MAPKAP1: variants seen among roughly 807,000 people sequenced by gnomAD.
MAPKAP1 encodes target of rapamycin complex 2 subunit MAPKAP1.
In MAPKAP1, 20 loss-of-function variants were observed where a neutral mutation model predicts 65.7. The observed-to-expected ratio is 0.30, with a 90% confidence interval of 0.21 to 0.44. The LOEUF (loss-of-function observed/expected upper bound fraction) is 0.44. MAPKAP1 is among the 20% of genes least tolerant of loss of function. MAPKAP1 has a pLI of 1.00. For missense variants in MAPKAP1, 423 were observed against 648.0 expected (o/e 0.65, Z 3.77); for synonymous variants, 222 against 244.3 (o/e 0.91, Z 0.85).
intron 10 of MAPKAP1, among the ~76,000 whole-genome samples, chr9:125,453,026 C>T (rs1853014630): frequency 1.3e-5 from 2 of 152,128 alleles, no homozygotes; most frequent in Non-Finnish European, 2.9e-5. Flanking sequence ...CCTTATATCT[C>T]CCCAAAGTTA....
intron 8 of MAPKAP1, among the ~76,000 whole-genome samples, chr9:125,502,423 T>A (rs1829011586): frequency 6.6e-6 from 1 of 152,216 alleles, no homozygotes; most frequent in Non-Finnish European, 1.5e-5. Flanking sequence ...TTTTGTGATA[T>A]TTGAATTAGA....
At chr9:125,638,791 T>C (rs1380267408) in intron 4 of MAPKAP1, among the ~76,000 whole-genome samples, 1 of 152,208 alleles carries the variant, frequency 6.6e-6, no homozygotes, top group African/African-American at 2.4e-5. Flanking sequence ...GTCTCTCAAA[T>C]GGCTACAGCT....
At chr9:125,575,441 T>A (rs1820390985) in intron 5 of MAPKAP1, among the ~76,000 whole-genome samples, 1 of 152,216 alleles carries the variant, frequency 6.6e-6, no homozygotes, top group South Asian at 2.1e-4. Context: ...TCTAGATGGC[T>A]GAGGTCCTAT....
intron 3 of MAPKAP1, among the ~76,000 whole-genome samples, chr9:125,663,151 T>C (rs1194377018): frequency 1.3e-5 from 2 of 152,032 alleles, no homozygotes; most frequent in African/African-American, 4.8e-5. Context: ...AGAGAAAAAA[T>C]ACAATTCCTT....
rs1358042199 is a variant in MAPKAP1 at position 125,528,387 on chromosome 9, G to A, written c.958+14672C>T. On this transcript the variant is annotated intron_variant, in intron 7 of 11. Transcript: ENST00000265960. ...GAATTTACCCAGCCCTTTCTGCCCT[G>A]TCCACTTCTCCCTGCCTGCATCAAG... is the stretch of plus-strand genomic sequence containing the variant. Among the ~76,000 whole-genome samples the A allele has an allele frequency of 3.9e-5, 6 of 152,306 alleles. No individual in the cohort carries two copies. In the East Asian group the frequency reaches 1.2e-3, roughly 29 times the overall value.
At chr9:125,625,255 T>TTAAAA in intron 4 of MAPKAP1, among the ~76,000 whole-genome samples, 1 of 64,712 alleles carries the variant, frequency 1.5e-5, no homozygotes, top group Non-Finnish European at 3.0e-5. Context: ...AATAAATAAA[T>TTAAAA]AAAAAAAAAA....
At chr9:125,626,781 C>T (rs935877594) in intron 4 of MAPKAP1, among the ~76,000 whole-genome samples, 12 of 152,206 alleles carry the variant, frequency 7.9e-5, no homozygotes, top group African/African-American at 2.9e-4. Flanking sequence ...ATTCATCTAA[C>T]TCTCAAGGTT....
chr9:125,614,766 G>A (rs1214181754), intron 4 of MAPKAP1, among the ~76,000 whole-genome samples: 1 of 152,070 alleles, frequency 6.6e-6, no homozygotes, highest in Non-Finnish European at 1.5e-5. Context: ...AGCTAACTAG[G>A]AACAGAAAGG....
At chr9:125,474,006 T>C (rs932744086) in intron 9 of MAPKAP1, among the ~76,000 whole-genome samples, 5 of 152,208 alleles carry the variant, frequency 3.3e-5, no homozygotes, top group African/African-American at 4.8e-5. Flanking sequence ...TTGTGCCTGA[T>C]ACATAGCTAG....
intron 7 of MAPKAP1, among the ~76,000 whole-genome samples, chr9:125,538,925 G>A (rs995235166): frequency 1.3e-5 from 2 of 152,100 alleles, no homozygotes; most frequent in Non-Finnish European, 2.9e-5. Context: ...AGAGTCCAAC[G>A]ATGCCATCAT....
At chr9:125,450,735 G>A (rs1244585698) in intron 10 of MAPKAP1, among the ~76,000 whole-genome samples, 1 of 152,214 alleles carries the variant, frequency 6.6e-6, no homozygotes, top group Non-Finnish European at 1.5e-5. Context: ...GGCCTGAGAG[G>A]GGAACATTCT....
chr9:125,483,864 C>CATGATG (rs559571340), intron 9 of MAPKAP1, among the ~76,000 whole-genome samples: 6 of 151,864 alleles, frequency 4.0e-5, no homozygotes, highest in African/African-American at 7.2e-5. Flanking sequence ...AAAAGGCAGC[C>CATGATG]ATGATGATGA....
chr9:125,529,221 A>G (rs1829866366), intron 7 of MAPKAP1, among the ~76,000 whole-genome samples: 1 of 151,782 alleles, frequency 6.6e-6, no homozygotes, highest in African/African-American at 2.4e-5. Context: ...AGAAAAGAAA[A>G]TGGAAGGACT....
At chr9:125,466,270 C>T (rs1041175467) in intron 10 of MAPKAP1, among the ~76,000 whole-genome samples, 5 of 152,076 alleles carry the variant, frequency 3.3e-5, no homozygotes, top group African/African-American at 9.7e-5. Context: ...AACCTTCCCC[C>T]ACCACCCACC....
chr9:125,625,378 C>T (rs1474040283), intron 4 of MAPKAP1, among the ~76,000 whole-genome samples: 3 of 150,974 alleles, frequency 2.0e-5, no homozygotes, highest in South Asian at 4.2e-4. Context: ...GAACATTCCA[C>T]GCCATGAAAC....
At chr9:125,618,959 C>T (rs571015963) in intron 4 of MAPKAP1, among the ~76,000 whole-genome samples, 83 of 152,260 alleles carry the variant, frequency 5.5e-4, no homozygotes, top group African/African-American at 1.9e-3. Flanking sequence ...TGATAAAACC[C>T]TATCTCTACA....
At chr9:125,487,102 C>T (rs901384311) in intron 8 of MAPKAP1, among the ~76,000 whole-genome samples, 4 of 152,146 alleles carry the variant, frequency 2.6e-5, no homozygotes, top group African/African-American at 9.7e-5. Context: ...ATACCAGGTG[C>T]CATGTCCACA....
chr9:125,696,960 A>T (rs1415453830), intron 1 of MAPKAP1, among the ~76,000 whole-genome samples: 1 of 152,202 alleles, frequency 6.6e-6, no homozygotes, highest in Non-Finnish European at 1.5e-5. Context: ...GGCCAACCTC[A>T]ACTCCACAGA....
intron 11 of MAPKAP1, among the ~76,000 whole-genome samples, chr9:125,443,125 C>G (rs1376982588): frequency 1.3e-5 from 2 of 152,240 alleles, no homozygotes; most frequent in Non-Finnish European, 2.9e-5. Context: ...CGTGGAGCCT[C>G]TGGCCCAGGT....
Sources: allele counts gnomAD v4.1 joint callset (sites outside exome capture counted in the v4.1 genomes callset), GRCh38; gene constraint gnomAD v4.1.1; transcripts MANE v1.5; gene names NCBI Gene and HGNC (gene_info 2026-07-23, HGNC 2026-07-21).